FNTB: variants seen among roughly 807,000 people sequenced by gnomAD.
FNTB encodes farnesyltransferase, CAAX box, subunit beta.
FNTB carries 27 observed loss-of-function variants against 59.4 expected under a neutral mutation model. The ratio of observed to expected loss-of-function variants is 0.45; its 90% CI spans 0.34 to 0.63. The LOEUF is 0.63. Ranked by LOEUF, FNTB falls within the 20% of genes least tolerant of loss-of-function variation. The pLI is 0.02. For synonymous variants in FNTB, 230 were observed against 220.7 expected (o/e 1.04, Z -0.37); for missense variants, 449 against 559.6 (o/e 0.80, Z 1.99).
intron 1 of FNTB, among the ~76,000 whole-genome samples, chr14:64,996,473 G>A (rs1888401424): frequency 6.6e-6 from 1 of 152,156 alleles, no homozygotes; most frequent in Non-Finnish European, 1.5e-5. Flanking sequence ...CTTAACATTT[G>A]TTAGGTTATA....
chr14:65,060,005 T>C (rs1182949924), intron 11 of FNTB, among the ~76,000 whole-genome samples: 1 of 151,858 alleles, frequency 6.6e-6, no homozygotes, highest in Non-Finnish European at 1.5e-5. Flanking sequence ...GGCTAATTTT[T>C]GTATTTTTGT....
At chr14:65,015,586 T>G (rs1852851981) in intron 3 of FNTB, 39 bp from the exon 4 acceptor site, 1 of 1,610,046 alleles carries the variant, frequency 6.2e-7, no homozygotes, top group Non-Finnish European at 8.5e-7. Context: ...TTGGAGTGAT[T>G]GTGAATAAGG....
At chr14:65,045,602 G>A (rs2062460349) in intron 9 of FNTB, among the ~76,000 whole-genome samples, 1 of 152,144 alleles carries the variant, frequency 6.6e-6, no homozygotes, top group Non-Finnish European at 1.5e-5. Flanking sequence ...TTTTAGTAGA[G>A]ACAGGGTTTC....
rs2061995441 is a variant in FNTB at position 65,027,034 on chromosome 14, C to T, written c.375-419C>T. On this transcript the variant is annotated intron_variant, in intron 4 of 11. Transcript: ENST00000246166. This position sits in a 1 kb window ranked among gnomAD's most constrained non-coding sequence, Gnocchi z 5.7. ...TAGTGTGGAAAGAAGCAGTTGAGCACCATGTTTTGGCAAAATTCAAAGGCT... is the reference window on the plus strand; with the variant it reads ...TAGTGTGGAAAGAAGCAGTTGAGCATCATGTTTTGGCAAAATTCAAAGGCT... Among the ~76,000 whole-genome samples, 1 of 152,048 alleles carries T rather than the reference C, an allele frequency of 6.6e-6. No individual in the cohort carries two copies. The highest frequency in any genetic ancestry group is 2.1e-4 in the South Asian group (1 of 4,826).
chr14:65,049,230 G>C (rs1328319892), intron 9 of FNTB, among the ~76,000 whole-genome samples: 7 of 151,998 alleles, frequency 4.6e-5, no homozygotes, highest in Admixed American at 4.6e-4. Context: ...AGGCCTGTGA[G>C]TTTCCACTTG....
chr14:65,044,714 C>T lies in FNTB; in HGVS notation c.955+271C>T, dbSNP rs1207001172. 3 of 471,582 alleles carry T rather than the reference C, an allele frequency of 6.4e-6. No individual in the cohort carries two copies. The highest frequency in any genetic ancestry group is 2.9e-5 in the South Asian group (1 of 34,712). 29.2% of individuals were successfully genotyped at this position (471,582 alleles called of 1,614,324 possible). A position where few individuals can be genotyped will look rare whatever the true frequency, so the allele number is the denominator to read the frequency against. On this transcript the variant is annotated intron_variant, in intron 9 of 11. Transcript: ENST00000246166. This position sits in a 1 kb window ranked among gnomAD's most constrained non-coding sequence, Gnocchi z 5.5. ...CTACGGGGAGCGGGGAGGAAGTGGGCGCTGCTTCTGCGTTATCTGGAAGGA... is the reference window on the plus strand; with the variant it reads ...CTACGGGGAGCGGGGAGGAAGTGGGTGCTGCTTCTGCGTTATCTGGAAGGA...
In FNTB at chr14:65,044,361, C is replaced by T; in HGVS notation, c.873C>T (p.Arg291=). 6.2e-7 allele frequency: 1 copy of T among 1,613,570 alleles called. No individual in the cohort carries two copies. Among genetic ancestry groups the T allele is most frequent in the South Asian group, 1.1e-5 (1 of 90,852 alleles). Residue 291 remains arginine, a synonymous_variant, in exon 9 of 12, where the codon CGC becomes CGT. Transcript: ENST00000246166. This position sits in a 1 kb window ranked among gnomAD's most constrained non-coding sequence, Gnocchi z 5.5. ...QMRFEGGFQG[R]CNKLVDGCYS... The stretch of plus-strand genomic sequence containing the variant: ...GATTTGAAGGAGGATTTCAGGGCCG[C>T]TGCAACAAGCTGGTGGATGGCTGCT...
chr14:64,987,071 G>A lies in FNTB; in HGVS notation c.118G>A (p.Val40Met). The A allele has an allele frequency of 6.2e-7, 1 of 1,614,244 alleles. No individual in the cohort carries two copies. The highest frequency in any genetic ancestry group is 8.5e-7 in the Non-Finnish European group (1 of 1,180,046). The change falls in exon 1 of 12, where the codon GTG becomes ATG. Residue 40 changes from valine (V) to methionine (M), a missense_variant. This residue lies in a region of FNTB where 112 missense variants were observed against 80.5 expected (regional missense o/e 1.39). Coordinates refer to ENST00000246166, the MANE Select transcript of FNTB (RefSeq NM_002028.4). ...GCGAGAGCGGTTGCAGGACGACTCG[G>A]TGGAAACAGTCACGTCCATAGAACA... is the stretch of plus-strand genomic sequence containing the variant. ...HARERLQDDSVETVTSIEQAK... is the reference protein window; with the variant it reads ...HARERLQDDSMETVTSIEQAK...
intron 9 of FNTB, among the ~76,000 whole-genome samples, chr14:65,046,458 A>C (rs935953323): frequency 5.3e-5 from 8 of 152,332 alleles, no homozygotes; most frequent in African/African-American, 1.9e-4. Flanking sequence ...ACCACCTGTC[A>C]AAGTCTTCCA....
chr14:65,018,864 A>C (rs2139538773), intron 4 of FNTB, among the ~76,000 whole-genome samples: 1 of 148,318 alleles, frequency 6.7e-6, no homozygotes, highest in East Asian at 2.0e-4. Flanking sequence ...TAATCCCAGC[A>C]CTTTGGGAGA....
rs147562098 is a variant in FNTB at position 65,001,642 on chromosome 14, G to T, written c.145-2607G>T. ...CCTGGGAGATCCTGGAACCAATCCC[G>T]CATGGATACTGAGGGATGATGGTAT... is the stretch of plus-strand genomic sequence containing the variant. On this transcript the variant is annotated intron_variant, in intron 1 of 11. Coordinates refer to ENST00000246166, the MANE Select transcript of FNTB (RefSeq NM_002028.4). The surrounding 1 kb of genome is among the most constrained non-coding windows in gnomAD (Gnocchi z 5.5). 6.6e-6 allele frequency among the ~76,000 whole-genome samples: 1 copy of T among 152,158 alleles called. No individual in the cohort carries two copies. Among genetic ancestry groups the T allele is most frequent in the Non-Finnish European group, 1.5e-5 (1 of 68,036 alleles).
chr14:65,048,881 T>G (rs1312009067), intron 9 of FNTB, among the ~76,000 whole-genome samples: 2 of 151,698 alleles, frequency 1.3e-5, no homozygotes, highest in African/African-American at 4.8e-5. Flanking sequence ...AATCCCAGCA[T>G]TTTGGGAGGC....
chr14:65,015,292 A>G (rs767817855), intron 3 of FNTB, among the ~76,000 whole-genome samples: 5 of 151,404 alleles, frequency 3.3e-5, no homozygotes, highest in Non-Finnish European at 7.4e-5. Context: ...TAATAGAGAC[A>G]GGGTTTCGCC....
intron 1 of FNTB, among the ~76,000 whole-genome samples, chr14:65,000,918 T>G (rs1292117373): frequency 1.3e-5 from 2 of 150,284 alleles, no homozygotes; most frequent in East Asian, 4.0e-4. Flanking sequence ...TTACCAAGAC[T>G]CTACACTAAA....
rs1023446019 is a variant in FNTB, at chr14:65,027,551, A to G, written c.473A>G (p.Asn158Ser). 5.6e-6 allele frequency: 9 copies of G among 1,614,094 alleles called. No individual in the cohort carries two copies. The highest frequency in any genetic ancestry group is 2.7e-5 in the African/African-American group (2 of 74,920). ...CTTGCACCCACATATGCAGCAGTCA[A>G]TGCATTGTGCATCATTGGCACCGAG... is the stretch of plus-strand genomic sequence containing the variant. The part of the protein sequence containing the change: ...PHLAPTYAAV[N>S]ALCIIGTEEA... The change falls in exon 5 of 12, where the codon AAT becomes AGT. Residue 158 changes from asparagine (N) to serine (S), a missense_variant. Transcript: ENST00000246166. This position sits in a 1 kb window ranked among gnomAD's most constrained non-coding sequence, Gnocchi z 5.7.
intron 1 of FNTB, among the ~76,000 whole-genome samples, chr14:64,995,590 G>A (rs898981534): frequency 1.3e-5 from 2 of 151,686 alleles, no homozygotes; most frequent in Non-Finnish European, 2.9e-5. Context: ...GTACGTTCTT[G>A]ACCAAAACAT....
At chr14:65,051,834 G>A (rs891214025) in intron 9 of FNTB, among the ~76,000 whole-genome samples, 12 of 145,326 alleles carry the variant, frequency 8.3e-5, no homozygotes, top group Admixed American at 4.2e-4. Context: ...TCGCTGTGTC[G>A]CCCAGGCTGG....
Position 65,027,389 on chromosome 14 carries a change from G to A in FNTB, c.375-64G>A. 1.3e-6 allele frequency: 2 copies of A among 1,593,046 alleles called. No homozygotes were observed. Among genetic ancestry groups the A allele is most frequent in the South Asian group, 1.1e-5 (1 of 87,620 alleles). ...CATTGGAAAGGCCTGGAATCTAGTG[G>A]GAATTTGGTGTTTTGACATGAATGC... On this transcript the variant is annotated intron_variant, in intron 4 of 11. Coordinates refer to ENST00000246166, the MANE Select transcript of FNTB (RefSeq NM_002028.4). This position sits in a 1 kb window ranked among gnomAD's most constrained non-coding sequence, Gnocchi z 5.7.
chr14:64,998,266 AACAG>A (rs1228787398), intron 1 of FNTB, among the ~76,000 whole-genome samples: 1 of 152,258 alleles, frequency 6.6e-6, no homozygotes, highest in East Asian at 1.9e-4. Flanking sequence ...AACCTAAATT[AACAG>A]ACAGAGGCTC....
Sources: gnomAD v4.1 joint callset for allele counts (sites outside exome capture counted in the v4.1 genomes callset) on GRCh38, gnomAD v4.1.1 for gene constraint, gnomAD v4.1.1 regional missense constraint, Gnocchi (gnomAD v3.1) non-coding constraint, MANE v1.5 for transcripts, NCBI Gene and HGNC (gene_info 2026-07-23, HGNC 2026-07-21) for gene names.